The following GPR176 variants were observed in gnomAD, a reference collection of about 807,000 sequenced individuals.
The protein encoded by GPR176 is G-protein coupled receptor 176.
In GPR176, 26 loss-of-function variants were observed where a neutral mutation model predicts 35.4. The ratio of observed to expected loss-of-function variants is 0.74; its 90% CI spans 0.54 to 1.02. GPR176 has a LOEUF of 1.02. Among genes scored for constraint, GPR176 ranks in the 50% least tolerant of loss-of-function variants. The probability of loss-of-function intolerance (pLI) is 0.00; values close to 1 mark genes in which losing one functional copy is unlikely to be tolerated. For missense variants in GPR176, 597 were observed against 665.3 expected, an observed-to-expected ratio of 0.90 and a Z score of 1.13; for synonymous variants, 278 against 271.3, an observed-to-expected ratio of 1.02 and a Z score of -0.24.
At chr15:39,808,148 A>G (rs894675440) in intron 1 of GPR176, among the ~76,000 whole-genome samples, 1 of 152,132 alleles carries the variant, frequency 6.6e-6, no homozygotes, top group African/African-American at 2.4e-5. Flanking sequence ...TAGACTACCC[A>G]TTCTGGTAAT....
intron 1 of GPR176, among the ~76,000 whole-genome samples, chr15:39,879,403 G>T (rs1016674552): frequency 1.1e-4 from 17 of 152,160 alleles, no homozygotes; most frequent in African/African-American, 4.1e-4. Flanking sequence ...CTGATATTTA[G>T]ATGCCTGTGG....
At chr15:39,878,478 G>GTA in intron 1 of GPR176, among the ~76,000 whole-genome samples, 1 of 151,502 alleles carries the variant, frequency 6.6e-6, no homozygotes, top group Middle Eastern at 3.4e-3. Flanking sequence ...ATATTTGTGT[G>GTA]TGTGTGTGTG....
chr15:39,895,773 G>C (rs1178538139), intron 1 of GPR176, among the ~76,000 whole-genome samples: 1 of 152,114 alleles, frequency 6.6e-6, no homozygotes, highest in Non-Finnish European at 1.5e-5. Flanking sequence ...CGCTGAGCTA[G>C]GTACTTTATG....
At chr15:39,913,333 C>G (rs1160847220) in intron 1 of GPR176, among the ~76,000 whole-genome samples, 5 of 151,942 alleles carry the variant, frequency 3.3e-5, no homozygotes, top group Non-Finnish European at 7.4e-5. Flanking sequence ...TTGCTTGAGT[C>G]CAGGAGTTTG....
intron 1 of GPR176, among the ~76,000 whole-genome samples, chr15:39,880,743 C>T (rs1428812547): frequency 6.6e-6 from 1 of 152,140 alleles, no homozygotes; most frequent in Non-Finnish European, 1.5e-5. Context: ...CAACCTTCAC[C>T]CCTGGTCAAT....
intron 1 of GPR176, chr15:39,829,301 G>A: frequency 7.2e-7 from 1 of 1,394,052 alleles, no homozygotes; most frequent in Non-Finnish European, 9.3e-7. Context: ...CTTGGTGAGA[G>A]TAAGAAAGCC....
At chr15:39,889,035 A>T (rs145445900) in intron 1 of GPR176, among the ~76,000 whole-genome samples, 370 of 150,608 alleles carry the variant, frequency 2.5e-3, no homozygotes, top group African/African-American at 8.7e-3. Flanking sequence ...CAGCCTGGAG[A>T]GGGCATCAGA....
At chr15:39,823,448 C>T (rs942960227) in intron 1 of GPR176, among the ~76,000 whole-genome samples, 4 of 152,142 alleles carry the variant, frequency 2.6e-5, no homozygotes, top group African/African-American at 9.7e-5. Flanking sequence ...ATCACTTGGC[C>T]CCACATCCAA....
intron 1 of GPR176, among the ~76,000 whole-genome samples, chr15:39,890,451 A>T: frequency 6.6e-6 from 1 of 152,020 alleles, no homozygotes; most frequent in Non-Finnish European, 1.5e-5. Flanking sequence ...AACAGAGGTG[A>T]ATGGAAGGCT....
intron 1 of GPR176, among the ~76,000 whole-genome samples, chr15:39,892,270 AT>A (rs2032901656): frequency 6.6e-6 from 1 of 152,224 alleles, no homozygotes; most frequent in Admixed American, 6.5e-5. Context: ...CATCTTGTCT[AT>A]CAAAGGTAGA....
In GPR176 at chr15:39,885,700, C is replaced by T. The variant is rs75135465; in HGVS notation, c.172+34155G>A. Among the ~76,000 whole-genome samples, 1,222 of 152,238 alleles carry T rather than the reference C, an allele frequency of 8.0e-3. 12 individuals carry two copies. Among genetic ancestry groups the T allele is most frequent in the Middle Eastern group, 0.01 (3 of 294 alleles). On this transcript the variant is annotated intron_variant, in intron 1 of 2. Coordinates refer to ENST00000561100, the MANE Select transcript of GPR176 (RefSeq NM_007223.3). ...GTTGCTATGCATATATCTTCTGGAT[C>T]TTGTTATATGTAAGAAAAATAGAAA...
intron 1 of GPR176, among the ~76,000 whole-genome samples, chr15:39,851,243 A>T (rs1278468076): frequency 6.6e-6 from 1 of 152,184 alleles, no homozygotes; most frequent in African/African-American, 2.4e-5. Flanking sequence ...GCCCCTACAC[A>T]TGAAGAGCTT....
At chr15:39,893,897 C>T (rs1249343555) in intron 1 of GPR176, among the ~76,000 whole-genome samples, 1 of 109,706 alleles carries the variant, frequency 9.1e-6, no homozygotes, top group African/African-American at 3.7e-5. Flanking sequence ...GGCGGCTGGC[C>T]GGGTTGGGGG....
intron 1 of GPR176, among the ~76,000 whole-genome samples, chr15:39,827,572 C>T (rs1027232773): frequency 1.4e-4 from 22 of 152,190 alleles, no homozygotes; most frequent in African/African-American, 4.6e-4. Context: ...CAAGGTTACT[C>T]TGGGGTCCCC....
At chr15:39,804,077 G>T (rs905382704) in intron 2 of GPR176, among the ~76,000 whole-genome samples, 9 of 152,290 alleles carry the variant, frequency 5.9e-5, no homozygotes, top group African/African-American at 2.2e-4. Context: ...TAGATGCTTA[G>T]GAGTTCACTG....
At chr15:39,819,354 T>C (rs1179454349) in intron 1 of GPR176, among the ~76,000 whole-genome samples, 1 of 152,230 alleles carries the variant, frequency 6.6e-6, no homozygotes, top group Non-Finnish European at 1.5e-5. Flanking sequence ...CCTTGCATAT[T>C]GTAAGATTAA....
intron 1 of GPR176, among the ~76,000 whole-genome samples, chr15:39,893,282 G>C (rs1036170603): frequency 6.6e-6 from 1 of 152,050 alleles, no homozygotes; most frequent in African/African-American, 2.4e-5. Flanking sequence ...CTGGGTACTT[G>C]AGATTAGGGA....
At chr15:39,820,665 G>T (rs1368081430) in intron 1 of GPR176, among the ~76,000 whole-genome samples, 3 of 152,192 alleles carry the variant, frequency 2.0e-5, no homozygotes, top group African/African-American at 7.2e-5. Context: ...GTATGTAAGG[G>T]CTTTGCAGAT....
intron 1 of GPR176, among the ~76,000 whole-genome samples, chr15:39,863,222 G>A (rs933801613): frequency 2.0e-5 from 3 of 151,864 alleles, no homozygotes; most frequent in Non-Finnish European, 2.9e-5. Context: ...GGGACTACAG[G>A]TGCACATCAC....
Sources: allele counts gnomAD v4.1 joint callset (sites outside exome capture counted in the v4.1 genomes callset), GRCh38; gene constraint gnomAD v4.1.1; transcripts MANE v1.5; gene names NCBI Gene and HGNC (gene_info 2026-07-23, HGNC 2026-07-21).